Variants in CTDP1 observed in about 807,000 individuals in gnomAD.
CTDP1 encodes the protein CTD phosphatase 1.
In CTDP1, 47 loss-of-function variants were observed where a neutral mutation model predicts 91.8. That is an observed-to-expected ratio of 0.51 (90% CI 0.41 to 0.65). The LOEUF is 0.65. Ranked by LOEUF, CTDP1 falls within the 30% of genes least tolerant of loss-of-function variation. CTDP1 has a pLI of 0.00. For synonymous variants in CTDP1, 656 were observed against 598.5 expected (o/e 1.10, Z -1.40); for missense variants, 1,272 against 1,373.7 (o/e 0.93, Z 1.17).
chr18:79,736,865 G>A (rs1486507742), intron 12 of CTDP1, among the ~76,000 whole-genome samples: 2 of 149,172 alleles, frequency 1.3e-5, no homozygotes, highest in East Asian at 4.0e-4. Context: ...GCGTGTGTGA[G>A]GTATCTACAC....
At chr18:79,750,094 G>A (rs1390017495) in intron 12 of CTDP1, 3 of 152,056 alleles carry the variant, frequency 2.0e-5, no homozygotes, top group African/African-American at 7.3e-5. Flanking sequence ...GAGGGGAAGC[G>A]GGCGGTGCCC....
At chr18:79,696,139 G>C in intron 3 of CTDP1, 69 bp downstream of exon 3, 1 of 1,393,434 alleles carries the variant, frequency 7.2e-7, no homozygotes, top group Admixed American at 1.8e-5. Flanking sequence ...TGCAGGAGGA[G>C]GGTGGCTGCA....
rs376752502 is a variant in CTDP1, at chr18:79,722,681, A to G, written c.2417+4665A>G. Among the ~76,000 whole-genome samples, 12 of 152,060 alleles carry G rather than the reference A, an allele frequency of 7.9e-5. No individual in the cohort carries two copies. The East Asian group carries it at 9.6e-4, about 12-fold the overall frequency. On this transcript the variant is annotated intron_variant, in intron 10 of 12. Transcript: ENST00000613122. ...TACGTGTTGGAAACTGAGTTCTCCT[A>G]AAATGAGCCTGGGTTCTGCTTTTTG...
In CTDP1 at chr18:79,754,055, A is replaced by G. The variant is rs2122925376; in HGVS notation, c.*265A>G. Reference sequence around the variant, plus strand: ...AGCTCAGCAGAGGCTCACGTGGCCCAGGCTGGTGCGCCCGCTGTCTCGGTA... The same window carrying G: ...AGCTCAGCAGAGGCTCACGTGGCCCGGGCTGGTGCGCCCGCTGTCTCGGTA... On this transcript the variant is annotated 3_prime_UTR_variant, in exon 13 of 13. Transcript: ENST00000613122. 1.9e-6 allele frequency: 1 copy of G among 518,974 alleles called. No homozygotes were observed. The highest frequency in any genetic ancestry group is 3.5e-6 in the Non-Finnish European group (1 of 289,064). 32.1% of individuals were successfully genotyped at this position (518,974 alleles called of 1,614,324 possible).
chr18:79,679,630 G>A (rs1429171608), upstream of CTDP1: 4 of 488,060 alleles, frequency 8.2e-6, no homozygotes, highest in Non-Finnish European at 1.2e-5. Context: ...GCTGCTCCAC[G>A]GTGCCGGCGC....
At chr18:79,679,556 A>C, upstream of CTDP1, 3 of 460,422 alleles carry the variant, frequency 6.5e-6, no homozygotes, top group Non-Finnish European at 8.7e-6. Context: ...ACGCCGGGAT[A>C]CGTAGTTCCG....
At position 79,693,665 on chromosome 18, in the gene CTDP1, C is replaced by T. The variant is rs189044145; in HGVS notation, c.315-1560C>T. 4.3e-3 allele frequency among the ~76,000 whole-genome samples: 658 copies of T among 152,290 alleles called. 3 individuals carry two copies. Among genetic ancestry groups the T allele is most frequent in the African/African-American group, 0.014 (589 of 41,558 alleles). On this transcript the variant is annotated intron_variant, in intron 1 of 12. Coordinates refer to ENST00000613122, the MANE Select transcript of CTDP1 (RefSeq NM_004715.5). ...AGGAGCTCAGATTCTTGATAGTCAC[C>T]GGCAGCCCACTCCATCCCCGAGGGC...
intron 10 of CTDP1, among the ~76,000 whole-genome samples, chr18:79,726,260 T>A (rs1426551372): frequency 6.6e-6 from 1 of 152,234 alleles, no homozygotes; most frequent in Non-Finnish European, 1.5e-5. Context: ...GTCTCCTTCA[T>A]TTGTTGCTAG....
rs1295991108 is a variant in CTDP1 at position 79,679,838 on chromosome 18, T to G, written c.-110T>G. 3.7e-6 allele frequency: 4 copies of G among 1,075,192 alleles called. No individual in the cohort carries two copies. The East Asian group carries it at 1.3e-4, about 36-fold the overall frequency. The allele number at this position is 1,075,192 out of a possible 1,614,324, so 66.6% of individuals were successfully genotyped here. On this transcript the variant is annotated 5_prime_UTR_variant, in exon 1 of 13. Transcript: ENST00000613122. ...GGGCTAGGCGACGGGTGGAAGCCGG[T>G]ACCGAGAGGAACTACAGCGTCGCCG...
chr18:79,715,104 T>G lies in CTDP1; in HGVS notation c.1644T>G (p.Cys548Trp). ...RDGLCGLGNG[C>W]ADRKEAETES... ...GCCTCTGCGGCCTGGGCAACGGCTG[T>G]GCCGACAGGAAGGAGGCGGAGACCG... The change falls in exon 8 of 13, where the codon TGT becomes TGG. Residue 548 changes from cysteine to tryptophan, a missense_variant. Around this residue, in one of 3 missense-constraint regions of CTDP1, gnomAD observed 881 missense variants for 911.6 expected, o/e 0.97. Transcript: ENST00000613122. 6.2e-7 allele frequency: 1 copy of G among 1,612,944 alleles called. No homozygotes were observed. Among genetic ancestry groups the G allele is most frequent in the Non-Finnish European group, 8.5e-7 (1 of 1,179,820 alleles).
chr18:79,740,805 T>C (rs1178681542), intron 12 of CTDP1, among the ~76,000 whole-genome samples: 1 of 152,234 alleles, frequency 6.6e-6, no homozygotes, highest in Non-Finnish European at 1.5e-5. Context: ...CTGTTCTATA[T>C]GCAGCCGCCT....
intron 1 of CTDP1, among the ~76,000 whole-genome samples, chr18:79,683,587 C>G (rs1568169627): frequency 6.6e-6 from 1 of 152,220 alleles, no homozygotes; most frequent in African/African-American, 2.4e-5. Context: ...GGATCAGAAA[C>G]TCAGGTGTCA....
chr18:79,740,271 C>T (rs1034702276), intron 12 of CTDP1, among the ~76,000 whole-genome samples: 1 of 152,188 alleles, frequency 6.6e-6, no homozygotes, highest in African/African-American at 2.4e-5. Context: ...GACGTGTGGC[C>T]GCGATAGCAG....
At chr18:79,701,825 C>G (rs1254848934) in intron 4 of CTDP1, among the ~76,000 whole-genome samples, 1 of 152,142 alleles carries the variant, frequency 6.6e-6, no homozygotes, top group Non-Finnish European at 1.5e-5. Flanking sequence ...CTTCGAGACC[C>G]CAGCGGAGGA....
intron 12 of CTDP1, among the ~76,000 whole-genome samples, chr18:79,750,698 G>C (rs939206013): frequency 6.8e-6 from 1 of 146,210 alleles, no homozygotes; most frequent in Non-Finnish European, 1.5e-5. Context: ...TTTTAATGTG[G>C]AGATGGGGTT....
chr18:79,692,630 G>A (rs976075083), intron 1 of CTDP1, among the ~76,000 whole-genome samples: 1 of 152,204 alleles, frequency 6.6e-6, no homozygotes, highest in African/African-American at 2.4e-5. Flanking sequence ...AGGGGGTAGA[G>A]CAAGGAGGAG....
At chr18:79,688,535 G>C (rs1295371967) in intron 1 of CTDP1, among the ~76,000 whole-genome samples, 6 of 152,050 alleles carry the variant, frequency 3.9e-5, no homozygotes, top group Non-Finnish European at 4.4e-5. Context: ...GAAGTGTTGG[G>C]ATTACAGGCG....
At chr18:79,746,451 G>A (rs2086884605) in intron 12 of CTDP1, among the ~76,000 whole-genome samples, 1 of 152,276 alleles carries the variant, frequency 6.6e-6, no homozygotes, top group South Asian at 2.1e-4. Context: ...TGTCGGAGGT[G>A]GAGGTTGTGT....
At chr18:79,691,508 G>GGAGGA (rs2085621771) in intron 1 of CTDP1, among the ~76,000 whole-genome samples, 1 of 124,118 alleles carries the variant, frequency 8.1e-6, no homozygotes, top group African/African-American at 2.9e-5. Flanking sequence ...CTCGGGGTGG[G>GGAGGA]GAGGAGTGGA....
Sources: gnomAD v4.1 joint callset for allele counts (sites outside exome capture counted in the v4.1 genomes callset) on GRCh38, gnomAD v4.1.1 for gene constraint, gnomAD v4.1.1 regional missense constraint, MANE v1.5 for transcripts, NCBI Gene and HGNC (gene_info 2026-07-23, HGNC 2026-07-21) for gene names.